The following FBXO4 variants were observed in gnomAD, a reference collection of about 807,000 sequenced individuals.
FBXO4 encodes F-box protein 4.
In FBXO4, 36 loss-of-function variants were observed where a neutral mutation model predicts 43.7. That is an observed-to-expected ratio of 0.82 (90% CI 0.63 to 1.09). The LOEUF is 1.09. FBXO4 is among the 50% of genes least tolerant of loss of function. FBXO4 has a pLI of 0.00. For missense variants in FBXO4, 435 were observed against 474.1 expected, an observed-to-expected ratio of 0.92 and a Z score of 0.77; for synonymous variants, 180 against 165.6, an observed-to-expected ratio of 1.09 and a Z score of -0.67.
the FBXO4 span, among the ~76,000 whole-genome samples, chr5:42,036,039 A>G: frequency 2.0e-5 from 3 of 152,162 alleles, no homozygotes; most frequent in Non-Finnish European, 4.4e-5. Context: ...ATGTCCTAGT[A>G]TAATTATCAA....
At chr5:41,987,390 A>T in the FBXO4 span, among the ~76,000 whole-genome samples, 1 of 152,168 alleles carries the variant, frequency 6.6e-6, no homozygotes, top group African/African-American at 2.4e-5. Context: ...AAAGGATATG[A>T]TCAAATCTCT....
the FBXO4 span, among the ~76,000 whole-genome samples, chr5:42,037,611 C>T: frequency 6.6e-6 from 1 of 152,196 alleles, no homozygotes; most frequent in African/African-American, 2.4e-5. Flanking sequence ...CTCTTAACTG[C>T]TCTATAGAAA....
At chr5:41,935,969 T>C (rs1045173678) in intron 5 of FBXO4, among the ~76,000 whole-genome samples, 1 of 152,222 alleles carries the variant, frequency 6.6e-6, no homozygotes, top group East Asian at 1.9e-4. Context: ...TGTTACAAAG[T>C]TAACTATAGC....
chr5:42,010,464 C>T, the FBXO4 span, among the ~76,000 whole-genome samples: 9 of 150,602 alleles, frequency 6.0e-5, no homozygotes, highest in African/African-American at 2.0e-4. Context: ...GCTGAGATTG[C>T]ACCACTGGAC....
chr5:41,998,785 T>C, the FBXO4 span, among the ~76,000 whole-genome samples: 3 of 152,208 alleles, frequency 2.0e-5, no homozygotes, highest in Admixed American at 2.0e-4. Context: ...GCACCTTTGG[T>C]TGCAGGTCAG....
chr5:42,031,107 G>T, the FBXO4 span, among the ~76,000 whole-genome samples: 2 of 152,100 alleles, frequency 1.3e-5, no homozygotes, highest in African/African-American at 4.8e-5. Context: ...CCCATTACTG[G>T]GTAGATACCG....
At chr5:41,943,865 G>A (rs1752039347), downstream of FBXO4, among the ~76,000 whole-genome samples, 2 of 152,098 alleles carry the variant, frequency 1.3e-5, no homozygotes, top group Admixed American at 6.6e-5. Context: ...GGTTAAATGA[G>A]GTCATATAGG....
At chr5:41,930,951 C>T (rs779999292) in intron 3 of FBXO4, among the ~76,000 whole-genome samples, 11 of 152,272 alleles carry the variant, frequency 7.2e-5, no homozygotes, top group Admixed American at 1.3e-4. Flanking sequence ...CCACCGCGCC[C>T]GGCGGAGAAC....
the FBXO4 span, among the ~76,000 whole-genome samples, chr5:41,997,608 T>G: frequency 6.6e-6 from 1 of 152,170 alleles, no homozygotes; most frequent in Non-Finnish European, 1.5e-5. Flanking sequence ...GGACCCATTG[T>G]AAGTTGGACC....
chr5:41,988,519 T>A, the FBXO4 span, among the ~76,000 whole-genome samples: 6 of 152,184 alleles, frequency 3.9e-5, no homozygotes, highest in Non-Finnish European at 8.8e-5. Flanking sequence ...CCTTGATGAC[T>A]GGGCCCCCTG....
At chr5:41,942,497 G>C (rs974892792), downstream of FBXO4, among the ~76,000 whole-genome samples, 1 of 151,904 alleles carries the variant, frequency 6.6e-6, no homozygotes, top group Non-Finnish European at 1.5e-5. Flanking sequence ...AAATAGTGTA[G>C]TATCAAATTC....
At chr5:41,939,697 T>G in intron 6 of FBXO4, 81 bp downstream of exon 6, 1 of 1,188,262 alleles carries the variant, frequency 8.4e-7, no homozygotes, top group Non-Finnish European at 1.2e-6. Context: ...AAATTCATCT[T>G]CTTTAATGAA....
At chr5:41,997,478 G>T in the FBXO4 span, among the ~76,000 whole-genome samples, 2 of 152,240 alleles carry the variant, frequency 1.3e-5, no homozygotes, top group South Asian at 2.1e-4. Context: ...CACCATAATA[G>T]CCCTCACCCT....
chr5:41,936,518 G>A (rs1751851344), intron 5 of FBXO4, among the ~76,000 whole-genome samples: 1 of 152,128 alleles, frequency 6.6e-6, no homozygotes, highest in Admixed American at 6.6e-5. Flanking sequence ...GGGTGACAGA[G>A]CGAGACCCTG....
At chr5:41,955,367 G>T in the FBXO4 span, among the ~76,000 whole-genome samples, 4 of 152,122 alleles carry the variant, frequency 2.6e-5, no homozygotes, top group Admixed American at 1.3e-4. Flanking sequence ...CAGTGAAGAT[G>T]AAGGGTAAAT....
chr5:42,037,369 T>A, the FBXO4 span, among the ~76,000 whole-genome samples: 1 of 152,000 alleles, frequency 6.6e-6, no homozygotes, highest in Non-Finnish European at 1.5e-5. Context: ...AAAATTGGAA[T>A]GCGCTTCATA....
chr5:41,964,881 A>AG, the FBXO4 span, among the ~76,000 whole-genome samples: 1 of 151,958 alleles, frequency 6.6e-6, no homozygotes, highest in East Asian at 2.0e-4. Flanking sequence ...GAAGCTCTTT[A>AG]GTTTAACTAG....
At chr5:41,946,281 T>G (rs1405602982), downstream of FBXO4, among the ~76,000 whole-genome samples, 33 of 152,190 alleles carry the variant, frequency 2.2e-4, no homozygotes, top group Admixed American at 2.2e-3. Context: ...AATATATTTT[T>G]AAGTAAAAAG....
the FBXO4 span, among the ~76,000 whole-genome samples, chr5:41,972,619 C>T: frequency 1.3e-5 from 2 of 152,090 alleles, no homozygotes; most frequent in African/African-American, 4.8e-5. Flanking sequence ...ATAGCCAAAG[C>T]AATCCTAAGC....
Sources: gnomAD v4.1 joint callset for allele counts (sites outside exome capture counted in the v4.1 genomes callset) on GRCh38, gnomAD v4.1.1 for gene constraint, MANE v1.5 for transcripts, NCBI Gene and HGNC (gene_info 2026-07-23, HGNC 2026-07-21) for gene names.